ZRANB3: variants seen among roughly 807,000 people sequenced by gnomAD.
ZRANB3 encodes the protein zinc finger RANBP2-type containing 3, also known as DNA annealing helicase and endonuclease ZRANB3.
In ZRANB3, 125 loss-of-function variants were observed where a neutral mutation model predicts 133.8. The ratio of observed to expected loss-of-function variants is 0.93; its 90% CI spans 0.81 to 1.08. ZRANB3 has a LOEUF of 1.08. Among genes scored for constraint, ZRANB3 ranks in the 50% least tolerant of loss-of-function variants. The pLI is 0.00. For synonymous variants in ZRANB3, 387 were observed against 432.7 expected, an observed-to-expected ratio of 0.89 and a Z score of 1.31; for missense variants, 1,229 against 1,275.5, an observed-to-expected ratio of 0.96 and a Z score of 0.56.
Position 135,265,352 on chromosome 2 carries a change from A to T in ZRANB3, c.1539+182T>A, listed in dbSNP as rs544546299. Among the ~76,000 whole-genome samples the T allele has an allele frequency of 4.6e-5, 7 of 152,320 alleles. No homozygotes were observed. In the East Asian group the frequency reaches 1.2e-3, roughly 25 times the overall value. ...AGTTTGTTTATCCGAGGAGCTGAAC[A>T]GTAAGTACTAAAACTGTTGGAAAAC... On this transcript the variant is annotated intron_variant, in intron 12 of 20. Coordinates refer to ENST00000264159, the MANE Select transcript of ZRANB3 (RefSeq NM_032143.4).
chr2:135,350,807 T>C (rs558065188), intron 4 of ZRANB3, among the ~76,000 whole-genome samples: 28 of 152,290 alleles, frequency 1.8e-4, no homozygotes, highest in Non-Finnish European at 3.4e-4. Context: ...TGATAAAATG[T>C]GAAGTGTGGT....
intron 2 of ZRANB3, among the ~76,000 whole-genome samples, chr2:135,415,003 G>C (rs1167307240): frequency 6.6e-6 from 1 of 151,566 alleles, no homozygotes; most frequent in Non-Finnish European, 1.5e-5. Context: ...GAGAAAGCAG[G>C]AAAGACCCAA....
At position 135,271,764 on chromosome 2, in the gene ZRANB3, T is replaced by C; in HGVS notation, c.1206+4A>G. 6.2e-7 allele frequency: 1 copy of C among 1,605,278 alleles called. No homozygotes were observed. Among genetic ancestry groups the C allele is most frequent in the Non-Finnish European group, 8.5e-7 (1 of 1,177,468 alleles). ...TAACCAAATTTAGACTTGAAATTTC[T>C]TACCTGGCCAGCAGCCTGAATGCTT... On this transcript the variant is annotated splice_donor_region_variant and intron_variant, in intron 10 of 20. Coordinates refer to ENST00000264159, the MANE Select transcript of ZRANB3 (RefSeq NM_032143.4).
At chr2:135,330,797 A>G (rs1222634588) in intron 6 of ZRANB3, among the ~76,000 whole-genome samples, 1 of 152,094 alleles carries the variant, frequency 6.6e-6, no homozygotes, top group African/African-American at 2.4e-5. Flanking sequence ...TGTGTCCAGG[A>G]ATTTTTCCAT....
intron 8 of ZRANB3, among the ~76,000 whole-genome samples, chr2:135,279,191 T>C (rs1680982433): frequency 6.6e-6 from 1 of 152,178 alleles, no homozygotes; most frequent in Non-Finnish European, 1.5e-5. Flanking sequence ...CTATGTAGCT[T>C]TGGCAATAAT....
intron 3 of ZRANB3, among the ~76,000 whole-genome samples, chr2:135,375,253 T>C (rs955898953): frequency 3.3e-5 from 5 of 151,990 alleles, no homozygotes; most frequent in African/African-American, 1.2e-4. Context: ...GAGAAAAATA[T>C]GAGACACAGA....
At chr2:135,466,852 A>AT (rs1691022866) in intron 2 of ZRANB3, among the ~76,000 whole-genome samples, 3 of 151,796 alleles carry the variant, frequency 2.0e-5, no homozygotes. Flanking sequence ...TAATTTTTGT[A>AT]TTTTTTGTAG....
At chr2:135,288,635 G>C (rs761869829) in intron 8 of ZRANB3, among the ~76,000 whole-genome samples, 1 of 152,198 alleles carries the variant, frequency 6.6e-6, no homozygotes, top group East Asian at 1.9e-4. Context: ...TAATCTAGGA[G>C]TGTTGTATAT....
intron 12 of ZRANB3, among the ~76,000 whole-genome samples, chr2:135,263,114 C>A (rs1241018310): frequency 6.6e-6 from 1 of 152,268 alleles, no homozygotes; most frequent in Non-Finnish European, 1.5e-5. Context: ...CCATTCTTCT[C>A]TCCCAGAGGT....
At chr2:135,261,508 C>G (rs1679962772) in intron 12 of ZRANB3, among the ~76,000 whole-genome samples, 1 of 152,130 alleles carries the variant, frequency 6.6e-6, no homozygotes, top group Admixed American at 6.6e-5. Context: ...CAATTTACAT[C>G]AAACTGCGTC....
At chr2:135,504,796 A>T (rs1693100877) in intron 1 of ZRANB3, among the ~76,000 whole-genome samples, 1 of 152,140 alleles carries the variant, frequency 6.6e-6, no homozygotes, top group Non-Finnish European at 1.5e-5. Flanking sequence ...ATTATAAATA[A>T]ACTAGATTTT....
chr2:135,215,301 G>A (rs764135651), intron 17 of ZRANB3, among the ~76,000 whole-genome samples: 35 of 151,608 alleles, frequency 2.3e-4, no homozygotes, highest in Non-Finnish European at 4.6e-4. Context: ...CTGTCTCCCA[G>A]GCTGAACTGC....
In ZRANB3 at chr2:135,207,487, G is replaced by T; in HGVS notation, c.2956C>A (p.Gln986Lys). Reference protein sequence around the residue: ...FLRLRDAPKSQRKNLLYATWT... With the variant: ...FLRLRDAPKSKRKNLLYATWT... The stretch of plus-strand genomic sequence containing the variant: ...GTAGCATACAGAAGATTCTTCCTCT[G>T]ACTTTTAGGGGCATCTCTCAGACGT... Residue 986 changes from glutamine to lysine, a missense_variant, in exon 19 of 21, where the codon CAG becomes AAG. Physicochemically the swap from Gln to Lys is moderately conservative, Grantham distance 53. Transcript: ENST00000264159. 6.2e-7 allele frequency: 1 copy of T among 1,613,886 alleles called. No individual in the cohort carries two copies.
At chr2:135,302,185 C>T (rs1682465130) in intron 8 of ZRANB3, among the ~76,000 whole-genome samples, 1 of 152,176 alleles carries the variant, frequency 6.6e-6, no homozygotes, top group Non-Finnish European at 1.5e-5. Context: ...ATAGACTCTA[C>T]TAAATATCAG....
chr2:135,439,700 C>T (rs1026613304), intron 2 of ZRANB3, among the ~76,000 whole-genome samples: 1 of 152,194 alleles, frequency 6.6e-6, no homozygotes, highest in Non-Finnish European at 1.5e-5. Context: ...AATCACCTGG[C>T]AAACTGAAAA....
intron 19 of ZRANB3, among the ~76,000 whole-genome samples, chr2:135,207,202 T>C (rs1693905879): frequency 6.6e-6 from 1 of 150,728 alleles, no homozygotes; most frequent in African/African-American, 2.4e-5. Flanking sequence ...AATAAATAAA[T>C]AAATAAATAA....
intron 2 of ZRANB3, among the ~76,000 whole-genome samples, chr2:135,401,458 C>A (rs1195834009): frequency 6.6e-6 from 1 of 152,120 alleles, no homozygotes; most frequent in Admixed American, 6.5e-5. Flanking sequence ...AATCCCTTCT[C>A]CCCTTCCCCC....
chr2:135,317,678 C>T (rs1299523943), intron 6 of ZRANB3, among the ~76,000 whole-genome samples: 4 of 152,138 alleles, frequency 2.6e-5, no homozygotes, highest in African/African-American at 9.7e-5. Context: ...TGTCATAGTG[C>T]CAGGACCTGG....
chr2:135,263,256 C>T (rs1680052644), intron 12 of ZRANB3, among the ~76,000 whole-genome samples: 1 of 152,172 alleles, frequency 6.6e-6, no homozygotes, highest in African/African-American at 2.4e-5. Flanking sequence ...TTCAAGATCT[C>T]ATCCTGTTGA....
Sources: allele counts gnomAD v4.1 joint callset (sites outside exome capture counted in the v4.1 genomes callset), GRCh38; gene constraint gnomAD v4.1.1; transcripts MANE v1.5; gene names NCBI Gene and HGNC (gene_info 2026-07-23, HGNC 2026-07-21).